SLC25A15: variants seen among roughly 807,000 people sequenced by gnomAD.
The protein encoded by SLC25A15 is mitochondrial ornithine transporter 1.
SLC25A15 carries 24 observed loss-of-function variants against 32.3 expected under a neutral mutation model. That is an observed-to-expected ratio of 0.74 (90% CI 0.54 to 1.04). The LOEUF is 1.04. SLC25A15 is among the 50% of genes least tolerant of loss of function. The pLI is 0.00. For synonymous variants in SLC25A15, 132 were observed against 142.1 expected (o/e 0.93, Z 0.51); for missense variants, 317 against 374.5 (o/e 0.85, Z 1.27).
intron 4 of SLC25A15, among the ~76,000 whole-genome samples, chr13:40,806,030 C>G (rs1470751792): frequency 1.3e-5 from 2 of 152,142 alleles, no homozygotes; most frequent in Non-Finnish European, 2.9e-5. Context: ...ATAAATTGAC[C>G]ATTTTCAAGG....
intron 2 of SLC25A15, among the ~76,000 whole-genome samples, chr13:40,796,310 A>C (rs1440052507): frequency 6.6e-6 from 1 of 152,202 alleles, no homozygotes; most frequent in Non-Finnish European, 1.5e-5. Context: ...CCCTATCTGC[A>C]ATGGCTGTAA....
rs371187770 is a variant in SLC25A15, at chr13:40,805,139, C to A, written c.336C>A (p.Ala112=). The change falls in exon 4 of 7, where the codon GCC becomes GCA. Residue 112 remains alanine, a synonymous_variant. Coordinates refer to ENST00000338625, the MANE Select transcript of SLC25A15 (RefSeq NM_014252.4). ...TCAGTGATCTGCAGAATGCAGCCGC[C>A]GGTTCCTTCGCCTCTGCCTTTGCTG... ...AKLSDLQNAA[A]GSFASAFAAL... is the part of the protein sequence containing the mutation. 1 of 1,614,134 alleles carries A rather than the reference C, an allele frequency of 6.2e-7. No individual in the cohort carries two copies. The highest frequency in any genetic ancestry group is 8.5e-7 in the Non-Finnish European group (1 of 1,180,014).
rs1882406948 is a variant in SLC25A15, at chr13:40,810,631, C to G, written c.*964C>G. The G allele has an allele frequency of 4.9e-6, 2 of 406,786 alleles. No homozygotes were observed. Among genetic ancestry groups the G allele is most frequent in the Non-Finnish European group, 9.8e-6 (2 of 204,224 alleles). 25.2% of individuals were successfully genotyped at this position (406,786 alleles called of 1,614,324 possible). Reference sequence around the variant, plus strand: ...AGATGCTCTACTCTTAAAATAGTGCCATTCATTTTCTAGGTGGGATCATAT... The same window carrying G: ...AGATGCTCTACTCTTAAAATAGTGCGATTCATTTTCTAGGTGGGATCATAT... On this transcript the variant is annotated 3_prime_UTR_variant, in exon 7 of 7. Coordinates refer to ENST00000338625, the MANE Select transcript of SLC25A15 (RefSeq NM_014252.4).
At chr13:40,799,005 G>T in intron 2 of SLC25A15, 52 bp from the exon 3 acceptor site, 6 of 1,613,596 alleles carry the variant, frequency 3.7e-6, no homozygotes, top group Non-Finnish European at 5.1e-6. Flanking sequence ...TTCCTTCCAT[G>T]GATAATGGAA....
chr13:40,800,047 G>A (rs12867283), intron 3 of SLC25A15, among the ~76,000 whole-genome samples: 10 of 152,290 alleles, frequency 6.6e-5, no homozygotes, highest in Non-Finnish European at 1.3e-4. Context: ...TCCCTGCTTT[G>A]AATGTTGATT....
In SLC25A15 at chr13:40,793,207, C is replaced by G. The variant is rs1881570296; in HGVS notation, c.-20C>G. The G allele has an allele frequency of 2.5e-6, 4 of 1,613,802 alleles. No individual in the cohort carries two copies. The highest frequency in any genetic ancestry group is 2.5e-6 in the Non-Finnish European group (3 of 1,179,886). On this transcript the variant is annotated 5_prime_UTR_variant, in exon 2 of 7. Coordinates refer to ENST00000338625, the MANE Select transcript of SLC25A15 (RefSeq NM_014252.4). Reference sequence around the variant, plus strand: ...TCCAGAGAGCTGCCTTCCACAAGACCAGCAGAAGAGTGGGCAAACATGAAA... The same window carrying G: ...TCCAGAGAGCTGCCTTCCACAAGACGAGCAGAAGAGTGGGCAAACATGAAA...
chr13:40,791,826 T>C (rs553230377), intron 1 of SLC25A15, among the ~76,000 whole-genome samples: 1 of 152,284 alleles, frequency 6.6e-6, no homozygotes, highest in Non-Finnish European at 1.5e-5. Flanking sequence ...GTTTTAAATT[T>C]TTTGTGAATA....
intron 2 of SLC25A15, among the ~76,000 whole-genome samples, chr13:40,797,396 TAAAAC>T (rs1881701572): frequency 2.0e-5 from 3 of 152,238 alleles, no homozygotes; most frequent in Admixed American, 2.0e-4. Context: ...CGCACCCACT[TAAAAC>T]ATTCTGTCAC....
At position 40,791,948 on chromosome 13, in the gene SLC25A15, G is replaced by A. The variant is rs80145484; in HGVS notation, c.-69-1210G>A. Among the ~76,000 whole-genome samples the A allele has an allele frequency of 4.9e-4, 75 of 152,302 alleles. 3 individuals are homozygous for A. In the East Asian group the frequency reaches 0.014, roughly 28 times the overall value. ...TCAGGGTGACATTGGTGTTAGGAGC[G>A]TGCTTGGTGTTCATCTCTGATCCAG... is the stretch of plus-strand genomic sequence containing the variant. On this transcript the variant is annotated intron_variant, in intron 1 of 6. Coordinates refer to ENST00000338625, the MANE Select transcript of SLC25A15 (RefSeq NM_014252.4).
chr13:40,798,890 G>A, intron 2 of SLC25A15, 167 bp from the exon 3 acceptor site: 1 of 985,398 alleles, frequency 1.0e-6, no homozygotes, highest in Non-Finnish European at 1.2e-6. Flanking sequence ...GGCACATCAA[G>A]GACCTGCTCT....
chr13:40,797,940 T>C (rs1255704105), intron 2 of SLC25A15, among the ~76,000 whole-genome samples: 1 of 152,128 alleles, frequency 6.6e-6, no homozygotes, highest in African/African-American at 2.4e-5. Context: ...GTGGGGATGT[T>C]GTAGGGTGGT....
chr13:40,809,767 C>A lies in SLC25A15; in HGVS notation c.*100C>A. On this transcript the variant is annotated 3_prime_UTR_variant, in exon 7 of 7. Coordinates refer to ENST00000338625, the MANE Select transcript of SLC25A15 (RefSeq NM_014252.4). The stretch of plus-strand genomic sequence containing the variant: ...GACCAGTGTGAAGTTATTCTGATTT[C>A]TTGGGAATTTTGCTTTTTGTCTTCC... The A allele has an allele frequency of 7.1e-7, 1 of 1,416,914 alleles. No individual in the cohort carries two copies. The highest frequency in any genetic ancestry group is 2.4e-4 in the Middle Eastern group (1 of 4,246). 87.8% of individuals were successfully genotyped at this position (1,416,914 alleles called of 1,614,324 possible).
chr13:40,799,450 A>T (rs1881798372), intron 3 of SLC25A15, 135 bp downstream of exon 3: 2 of 1,066,344 alleles, frequency 1.9e-6, no homozygotes, highest in Non-Finnish European at 2.8e-6. Flanking sequence ...TGAGAGTTCA[A>T]AACCAGCCTG....
intron 1 of SLC25A15, 120 bp from the exon 2 acceptor site, chr13:40,793,038 T>C: frequency 1.5e-6 from 1 of 657,794 alleles, no homozygotes; most frequent in Non-Finnish European, 2.8e-6. Context: ...CCCTTTCCTT[T>C]GGAACAGTGT....
chr13:40,790,372 T>C (rs1881437308), intron 1 of SLC25A15, among the ~76,000 whole-genome samples: 1 of 152,208 alleles, frequency 6.6e-6, no homozygotes, highest in Non-Finnish European at 1.5e-5. Context: ...TCAAAGGCGC[T>C]GAAAAGATTC....
Position 40,811,860 on chromosome 13 carries a change from A to G in SLC25A15, c.*2193A>G, listed in dbSNP as rs1240167933. ...AGGTTCCTTAAGCTTTTTGCTGTCC[A>G]TGAATCCTCTGTGGCAACTGTAATC... On this transcript the variant is annotated 3_prime_UTR_variant, in exon 7 of 7. Coordinates refer to ENST00000338625, the MANE Select transcript of SLC25A15 (RefSeq NM_014252.4). 6.6e-6 allele frequency among the ~76,000 whole-genome samples: 1 copy of G among 152,210 alleles called. No homozygotes were observed. Among genetic ancestry groups the G allele is most frequent in the African/African-American group, 2.4e-5 (1 of 41,450 alleles).
Position 40,793,149 on chromosome 13 carries a change from T to TC in SLC25A15, c.-69-3dup, listed in dbSNP as rs1488728398. ...CTTGGACTAATGGTGAACTCTTGCCTCCCCCCAGGGATATGTGGTGCCTGT... is the reference window on the plus strand; with the variant it reads ...CTTGGACTAATGGTGAACTCTTGCCTCCCCCCCAGGGATATGTGGTGCCTGT... On this transcript the variant is annotated splice_polypyrimidine_tract_variant and intron_variant, in intron 1 of 6. Coordinates refer to ENST00000338625, the MANE Select transcript of SLC25A15 (RefSeq NM_014252.4). The TC allele has an allele frequency of 1.9e-5, 28 of 1,453,316 alleles. No individual in the cohort carries two copies. The highest frequency in any genetic ancestry group is 4.5e-5 in the East Asian group (2 of 43,998). The allele number at this position is 1,453,316 out of a possible 1,614,324, so 90.0% of individuals were successfully genotyped here. A position where few individuals can be genotyped will look rare whatever the true frequency, so the allele number is the denominator to read the frequency against.
chr13:40,810,957 A>C lies in SLC25A15; in HGVS notation c.*1290A>C. On this transcript the variant is annotated 3_prime_UTR_variant, in exon 7 of 7. Coordinates refer to ENST00000338625, the MANE Select transcript of SLC25A15 (RefSeq NM_014252.4). ...CAAGGAACAGTGAGAGCCAAAGCCA[A>C]GAGAAGCCTTCTTCCCTGTTTGGTG... 2.2e-6 allele frequency: 1 copy of C among 461,150 alleles called. No homozygotes were observed. The highest frequency in any genetic ancestry group is 2.6e-5 in the Admixed American group (1 of 38,934). The allele number at this position is 461,150 out of a possible 1,614,324, so 28.6% of individuals were successfully genotyped here.
At chr13:40,803,144 T>C (rs1881965381) in intron 3 of SLC25A15, among the ~76,000 whole-genome samples, 1 of 152,030 alleles carries the variant, frequency 6.6e-6, no homozygotes, top group Non-Finnish European at 1.5e-5. Context: ...AGGGATCTTC[T>C]ATCCCAACTC....
Sources: gnomAD v4.1 joint callset for allele counts (sites outside exome capture counted in the v4.1 genomes callset) on GRCh38, gnomAD v4.1.1 for gene constraint, MANE v1.5 for transcripts, NCBI Gene and HGNC (gene_info 2026-07-23, HGNC 2026-07-21) for gene names.